The following MYH9 variants were observed in gnomAD, a reference collection of about 807,000 sequenced individuals.
MYH9 encodes myosin heavy chain 9, also known as myosin-9.
A neutral mutation model predicts 241.9 loss-of-function variants in MYH9; 29 were observed. The ratio of observed to expected loss-of-function variants is 0.12; its 90% CI spans 0.09 to 0.16. The LOEUF (loss-of-function observed/expected upper bound fraction) is 0.16, where lower values mean the gene tolerates loss of function less well. MYH9 is among the 10% of genes least tolerant of loss of function. The pLI is 1.00. For synonymous variants in MYH9, 1,047 were observed against 1,062.6 expected (o/e 0.99, Z 0.29); for missense variants, 1,803 against 2,595.5 (o/e 0.69, Z 6.63).
intron 10 of MYH9, 126 bp from the exon 11 acceptor site, chr22:36,318,451 C>T (rs750204165): frequency 2.8e-4 from 229 of 813,652 alleles, no homozygotes; most frequent in Non-Finnish European, 4.4e-4. Flanking sequence ...AAGAAAGCCA[C>T]GGGGTGAATG....
chr22:36,350,099 G>T (rs2017742084), intron 1 of MYH9, among the ~76,000 whole-genome samples: 1 of 152,194 alleles, frequency 6.6e-6, no homozygotes, highest in Admixed American at 6.5e-5. Flanking sequence ...ACAGAGAAAA[G>T]ATGCCAGGTT....
At position 36,306,285 on chromosome 22, in the gene MYH9, G is replaced by A; in HGVS notation, c.2037+129C>T. 1 of 1,343,846 alleles carries A rather than the reference G, an allele frequency of 7.4e-7. No individual in the cohort carries two copies. 83.2% of individuals were successfully genotyped at this position (1,343,846 alleles called of 1,614,324 possible). On this transcript the variant is annotated intron_variant, in intron 16 of 40. Transcript: ENST00000216181. The surrounding 1 kb of genome is among the most constrained non-coding windows in gnomAD (Gnocchi z 4.1). ...TCCTAAGCGAGCCAAGGCCCACCCT[G>A]CAGAGAAACGACTGAAGGCTCTGTG...
chr22:36,322,206 G>A (rs2017265122), intron 6 of MYH9, among the ~76,000 whole-genome samples: 1 of 152,264 alleles, frequency 6.6e-6, no homozygotes, highest in South Asian at 2.1e-4. Flanking sequence ...CCTCTCATGA[G>A]GGAGGCTGAA....
At chr22:36,286,068 G>C in intron 35 of MYH9, 115 bp from the exon 36 acceptor site, 2 of 1,121,934 alleles carry the variant, frequency 1.8e-6, no homozygotes, top group East Asian at 5.0e-5. Context: ...TCCCCACGAA[G>C]CCCTTCCTCC....
rs1015841143 is a variant in MYH9, at chr22:36,293,596, C to T, written c.3943-115G>A. 1.2e-5 allele frequency: 17 copies of T among 1,474,884 alleles called. No homozygotes were observed. Among genetic ancestry groups the T allele is most frequent in the African/African-American group, 5.5e-5 (4 of 72,214 alleles). The allele number at this position is 1,474,884 out of a possible 1,614,324, so 91.4% of individuals were successfully genotyped here. On this transcript the variant is annotated intron_variant, in intron 29 of 40. Transcript: ENST00000216181. The surrounding 1 kb of genome is among the most constrained non-coding windows in gnomAD (Gnocchi z 5.1). ...GTCCTGCTGATTTAGGGGATGGCCA[C>T]GTAAAGACCTGGAGGGAGCTGGGAG...
chr22:36,321,654 C>T (rs1193451574), intron 7 of MYH9, 104 bp downstream of exon 7: 1 of 1,080,282 alleles, frequency 9.3e-7, no homozygotes, highest in Non-Finnish European at 1.4e-6. Flanking sequence ...CAGGATGGGC[C>T]CATAAAGGGG....
In MYH9 at chr22:36,348,850, C is replaced by G. The variant is rs900566031; in HGVS notation, c.333+54G>C. ...GGTGATGGGAAGACCCGCCCCCCCCCCCCACCTCGGAGCCCTCAGACCCAG... is the reference window on the plus strand; with the variant it reads ...GGTGATGGGAAGACCCGCCCCCCCCGCCCACCTCGGAGCCCTCAGACCCAG... On this transcript the variant is annotated intron_variant, in intron 2 of 40. Coordinates refer to ENST00000216181, the MANE Select transcript of MYH9 (RefSeq NM_002473.6). 25 of 1,092,296 alleles carry G rather than the reference C, an allele frequency of 2.3e-5. 2 individuals carry two copies. The highest frequency in any genetic ancestry group is 9.6e-5 in the East Asian group (2 of 20,902). The allele number at this position is 1,092,296 out of a possible 1,614,324, so 67.7% of individuals were successfully genotyped here.
At chr22:36,290,228 G>A (rs1230213035) in intron 31 of MYH9, among the ~76,000 whole-genome samples, 1 of 151,560 alleles carries the variant, frequency 6.6e-6, no homozygotes, top group Non-Finnish European at 1.5e-5. Context: ...TGGGTGTGGT[G>A]GTGGTGCACG....
At chr22:36,345,101 A>G (rs141238507) in intron 2 of MYH9, among the ~76,000 whole-genome samples, 4,566 of 152,182 alleles carry the variant, frequency 0.03, 222 homozygotes, top group African/African-American at 0.1. Flanking sequence ...TCACAAGGTC[A>G]GGAGATCGAG....
At chr22:36,369,574 GCCTTCA>G (rs2018060885) in intron 1 of MYH9, among the ~76,000 whole-genome samples, 1 of 152,194 alleles carries the variant, frequency 6.6e-6, no homozygotes, top group South Asian at 2.1e-4. Context: ...CAGCCTGCCA[GCCTTCA>G]CCTGCTGTCT....
At chr22:36,385,780 G>A (rs928934017) in intron 1 of MYH9, among the ~76,000 whole-genome samples, 2 of 152,168 alleles carry the variant, frequency 1.3e-5, no homozygotes, top group Admixed American at 6.6e-5. Flanking sequence ...TCACCCCACA[G>A]TCATCCAGAG....
intron 1 of MYH9, among the ~76,000 whole-genome samples, chr22:36,365,403 C>T (rs753848988): frequency 3.3e-5 from 5 of 152,204 alleles, no homozygotes; most frequent in Admixed American, 6.5e-5. Flanking sequence ...GTCAGGGCTG[C>T]CAGAGGCGCC....
chr22:36,363,491 A>G (rs981244327), intron 1 of MYH9, among the ~76,000 whole-genome samples: 12 of 152,160 alleles, frequency 7.9e-5, no homozygotes, highest in Non-Finnish European at 5.9e-5. Context: ...AAGGAAGGAG[A>G]GGAGGAAACA....
intron 31 of MYH9, among the ~76,000 whole-genome samples, chr22:36,291,028 C>T (rs1295080500): frequency 4.6e-5 from 7 of 150,972 alleles, no homozygotes; most frequent in Non-Finnish European, 7.4e-5. Context: ...CGTCTCCGCC[C>T]GGCAGCCACC....
intron 1 of MYH9, among the ~76,000 whole-genome samples, chr22:36,357,965 C>G (rs1258200594): frequency 2.0e-5 from 3 of 152,212 alleles, no homozygotes; most frequent in Non-Finnish European, 4.4e-5. Context: ...CACGGCAGCT[C>G]AGCCTGCGAC....
chr22:36,301,827 T>C, intron 20 of MYH9, 162 bp from the exon 21 acceptor site: 1 of 894,424 alleles, frequency 1.1e-6, no homozygotes, highest in Non-Finnish European at 1.7e-6. Context: ...TGGCGCTCTG[T>C]ACCACGGGCT....
chr22:36,309,572 A>G (rs1350985396), intron 14 of MYH9, among the ~76,000 whole-genome samples, 176 bp from the exon 15 acceptor site: 1 of 152,244 alleles, frequency 6.6e-6, no homozygotes, highest in Non-Finnish European at 1.5e-5. Context: ...GCGAGGCATC[A>G]AGACGTTCTC....
chr22:36,368,061 G>A (rs190693076), intron 1 of MYH9, among the ~76,000 whole-genome samples: 30 of 152,302 alleles, frequency 2.0e-4, no homozygotes, highest in African/African-American at 7.0e-4. Context: ...GGATATGGCC[G>A]AAGTCAGGCC....
chr22:36,385,628 T>G (rs968107380), intron 1 of MYH9, among the ~76,000 whole-genome samples: 1 of 152,130 alleles, frequency 6.6e-6, no homozygotes, highest in Admixed American at 6.5e-5. Flanking sequence ...ACCTTTCAGA[T>G]GAACAGCCTC....
Sources: gnomAD v4.1 joint callset for allele counts (sites outside exome capture counted in the v4.1 genomes callset) on GRCh38, gnomAD v4.1.1 for gene constraint, Gnocchi (gnomAD v3.1) non-coding constraint, MANE v1.5 for transcripts, NCBI Gene and HGNC (gene_info 2026-07-23, HGNC 2026-07-21) for gene names.